Variants in SRGAP1 observed in about 807,000 individuals in gnomAD.
SRGAP1 encodes the protein SLIT-ROBO Rho GTPase-activating protein 1.
Under a neutral mutation model 121.9 loss-of-function variants are expected in SRGAP1, and 43 were observed. That is an observed-to-expected ratio of 0.35 (90% CI 0.28 to 0.46). The LOEUF (loss-of-function observed/expected upper bound fraction) is 0.46, where lower values mean the gene tolerates loss of function less well. SRGAP1 is among the 20% of genes least tolerant of loss of function. The pLI is 1.00. For synonymous variants in SRGAP1, 447 were observed against 485.4 expected, an observed-to-expected ratio of 0.92 and a Z score of 1.04; for missense variants, 1,102 against 1,350.9, an observed-to-expected ratio of 0.82 and a Z score of 2.89.
At chr12:64,129,909 T>C (rs2036756635) in intron 21 of SRGAP1, among the ~76,000 whole-genome samples, 1 of 152,234 alleles carries the variant, frequency 6.6e-6, no homozygotes, top group Non-Finnish European at 1.5e-5. Context: ...TAGCTGGTAT[T>C]GATGACTACC....
At chr12:63,872,393 T>G (rs1171466507) in intron 1 of SRGAP1, among the ~76,000 whole-genome samples, 2 of 152,188 alleles carry the variant, frequency 1.3e-5, no homozygotes, top group African/African-American at 4.8e-5. Context: ...TTCTCTTTGC[T>G]TATGGGCTAC....
intron 1 of SRGAP1, chr12:63,887,731 A>G (rs1433241958): frequency 6.6e-6 from 1 of 152,258 alleles, no homozygotes; most frequent in Non-Finnish European, 1.5e-5. Context: ...CTGTTAGTTC[A>G]AGGAACAGAA....
intron 4 of SRGAP1, among the ~76,000 whole-genome samples, chr12:64,027,210 G>A (rs1272898117): frequency 1.3e-5 from 2 of 152,120 alleles, no homozygotes; most frequent in Non-Finnish European, 2.9e-5. Flanking sequence ...GGAGGTAGTT[G>A]AGGCAGAGAG....
chr12:63,891,535 G>A (rs1451182093), intron 1 of SRGAP1, among the ~76,000 whole-genome samples: 6 of 152,172 alleles, frequency 3.9e-5, no homozygotes, highest in Non-Finnish European at 8.8e-5. Flanking sequence ...GGATCTGGTT[G>A]GGTCCGTAGC....
chr12:63,919,333 C>T (rs1470772626), intron 1 of SRGAP1, among the ~76,000 whole-genome samples: 2 of 152,088 alleles, frequency 1.3e-5, no homozygotes, highest in African/African-American at 4.8e-5. Flanking sequence ...GCTGTGATTA[C>T]AGGTGTGAGC....
At chr12:63,924,398 G>A (rs2031182090) in intron 1 of SRGAP1, among the ~76,000 whole-genome samples, 1 of 152,016 alleles carries the variant, frequency 6.6e-6, no homozygotes, top group African/African-American at 2.4e-5. Context: ...AAAGTAAATC[G>A]GAAATAGATT....
chr12:63,936,373 T>C (rs1423061936), intron 1 of SRGAP1, among the ~76,000 whole-genome samples: 1 of 152,216 alleles, frequency 6.6e-6, no homozygotes, highest in Non-Finnish European at 1.5e-5. Flanking sequence ...GCCCCAATTT[T>C]CTTCAGTTAG....
intron 1 of SRGAP1, among the ~76,000 whole-genome samples, chr12:63,862,038 T>C (rs1019776435): frequency 2.0e-5 from 3 of 152,134 alleles, no homozygotes; most frequent in African/African-American, 7.2e-5. Flanking sequence ...GGAGAACTGC[T>C]TGAACCCAGG....
rs1186067647 is a variant in SRGAP1 at position 64,147,364 on chromosome 12, A to ACCT, written c.*4701_*4703dup. ...TTGCCCCGCTCTGTGCCCCACCCCC[A>ACCT]CCTCCTCCTCCCAATTCCTGCTGCC... is the stretch of plus-strand genomic sequence containing the variant. On this transcript the variant is annotated 3_prime_UTR_variant, in exon 22 of 22. Coordinates refer to ENST00000355086, the MANE Select transcript of SRGAP1 (RefSeq NM_020762.4). 8.1e-5 allele frequency: 4 copies of ACCT among 49,368 alleles called. No individual in the cohort carries two copies. Among genetic ancestry groups the ACCT allele is most frequent in the Admixed American group, 2.0e-4 (1 of 5,054 alleles). The allele number at this position is 49,368 out of a possible 1,614,324, so 3.1% of individuals were successfully genotyped here.
At chr12:63,951,287 C>T (rs1010476403) in intron 1 of SRGAP1, among the ~76,000 whole-genome samples, 1 of 151,332 alleles carries the variant, frequency 6.6e-6, no homozygotes, top group African/African-American at 2.4e-5. Context: ...CCTCAGCCTC[C>T]CCAGTAGCTG....
At chr12:63,933,641 A>T (rs2031560597) in intron 1 of SRGAP1, among the ~76,000 whole-genome samples, 1 of 152,222 alleles carries the variant, frequency 6.6e-6, no homozygotes, top group Non-Finnish European at 1.5e-5. Context: ...ACATTTTGGG[A>T]CTATTTTAAA....
At position 64,086,992 on chromosome 12, in the gene SRGAP1, C is replaced by T; in HGVS notation, c.1409-7C>T. 6.3e-7 allele frequency: 1 copy of T among 1,594,370 alleles called. No homozygotes were observed. Among genetic ancestry groups the T allele is most frequent in the Non-Finnish European group, 8.6e-7 (1 of 1,166,758 alleles). On this transcript the variant is annotated splice_region_variant and splice_polypyrimidine_tract_variant and intron_variant, in intron 10 of 21. Coordinates refer to ENST00000355086, the MANE Select transcript of SRGAP1 (RefSeq NM_020762.4). ...CAGTTTACTTACTTTAAATTTTTTT[C>T]CTGCAGGTCATAGAGCTGAATATAT...
At chr12:63,871,983 T>C (rs1391012210) in intron 1 of SRGAP1, 22 of 979,062 alleles carry the variant, frequency 2.2e-5, no homozygotes, top group Non-Finnish European at 3.0e-5. Context: ...GCCCTTCTTA[T>C]ACTGTGTCAC....
At chr12:63,900,204 C>CTTTTTTTTCTTTT (rs755464707) in intron 1 of SRGAP1, among the ~76,000 whole-genome samples, 4 of 87,518 alleles carry the variant, frequency 4.6e-5, no homozygotes, top group African/African-American at 1.2e-4. Flanking sequence ...TTTTCTTTTT[C>CTTTTTTTTCTTTT]TTTTTTTTTT....
intron 4 of SRGAP1, chr12:64,032,426 G>T: frequency 1.5e-6 from 1 of 665,792 alleles, no homozygotes; most frequent in Admixed American, 2.3e-5. Context: ...CAGATCTCTG[G>T]GCTGAGAGAG....
chr12:64,123,242 G>A (rs1162319785), intron 18 of SRGAP1, among the ~76,000 whole-genome samples: 1 of 152,178 alleles, frequency 6.6e-6, no homozygotes, highest in Non-Finnish European at 1.5e-5. Context: ...AGCTACTTAG[G>A]AAGTTAAGGT....
chr12:64,082,450 TTC>T (rs1347432320), intron 10 of SRGAP1, among the ~76,000 whole-genome samples: 1 of 149,444 alleles, frequency 6.7e-6, no homozygotes, highest in African/African-American at 2.5e-5. Context: ...AGCCAGAATT[TTC>T]TTTTTTTTTT....
intron 21 of SRGAP1, among the ~76,000 whole-genome samples, chr12:64,137,958 A>AT (rs1428009636): frequency 7.6e-4 from 104 of 137,686 alleles, no homozygotes; most frequent in Middle Eastern, 4.0e-3. Context: ...TGCTTAAAAA[A>AT]AAAATATATA....
intron 4 of SRGAP1, among the ~76,000 whole-genome samples, chr12:64,041,000 A>G (rs1157902164): frequency 6.6e-6 from 1 of 152,188 alleles, no homozygotes; most frequent in Non-Finnish European, 1.5e-5. Context: ...TTGAGGATTC[A>G]TTCTGTAAAT....
Sources: allele counts gnomAD v4.1 joint callset (sites outside exome capture counted in the v4.1 genomes callset), GRCh38; gene constraint gnomAD v4.1.1; transcripts MANE v1.5; gene names NCBI Gene and HGNC (gene_info 2026-07-23, HGNC 2026-07-21).